NKAIN3: variants seen among roughly 807,000 people sequenced by gnomAD.
NKAIN3 encodes sodium/potassium-transporting ATPase subunit beta-1-interacting protein 3.
In NKAIN3, 25 loss-of-function variants were observed where a neutral mutation model predicts 30.2. The observed-to-expected ratio is 0.83, with a 90% CI of 0.60 to 1.16. The LOEUF (loss-of-function observed/expected upper bound fraction) is 1.16. Ranked by LOEUF, NKAIN3 falls within the 50% of genes most tolerant of loss-of-function variation. The probability of loss-of-function intolerance (pLI) is 0.00; values close to 1 mark genes in which losing one functional copy is unlikely to be tolerated. For synonymous variants in NKAIN3, 91 were observed against 89.6 expected (o/e 1.02, Z -0.09); for missense variants, 225 against 254.1 (o/e 0.89, Z 0.78).
At chr8:62,266,318 T>C (rs1305066756) in intron 1 of NKAIN3, among the ~76,000 whole-genome samples, 2 of 152,122 alleles carry the variant, frequency 1.3e-5, no homozygotes, top group Non-Finnish European at 2.9e-5. Context: ...TACTTTAGAG[T>C]GTGACATGAA....
At chr8:62,599,525 A>G (rs1483983700) in intron 3 of NKAIN3, among the ~76,000 whole-genome samples, 1 of 152,048 alleles carries the variant, frequency 6.6e-6, no homozygotes, top group African/African-American at 2.4e-5. Flanking sequence ...GGTGGTTCTC[A>G]TTATTACCTT....
At chr8:62,580,943 A>C (rs909859578) in intron 2 of NKAIN3, among the ~76,000 whole-genome samples, 25 of 147,396 alleles carry the variant, frequency 1.7e-4, no homozygotes, top group Admixed American at 5.4e-4. Context: ...CAGTGTCTAC[A>C]AAAAAATACA....
intron 3 of NKAIN3, among the ~76,000 whole-genome samples, chr8:62,657,865 C>T (rs1332875867): frequency 6.6e-6 from 1 of 152,132 alleles, no homozygotes; most frequent in South Asian, 2.1e-4. Flanking sequence ...TCCTCATTTA[C>T]ACAATGGGAA....
At chr8:62,335,934 T>C (rs986413963) in intron 1 of NKAIN3, among the ~76,000 whole-genome samples, 1 of 152,094 alleles carries the variant, frequency 6.6e-6, no homozygotes, top group African/African-American at 2.4e-5. Context: ...AAAGAAGCCT[T>C]CTTTCTAGTT....
chr8:62,786,418 C>T (rs1817519694), intron 4 of NKAIN3, among the ~76,000 whole-genome samples: 3 of 151,892 alleles, frequency 2.0e-5, no homozygotes, highest in South Asian at 4.1e-4. Context: ...AAAACCCTGC[C>T]CCACTCCTGT....
At chr8:62,465,917 G>A (rs1481607848) in intron 1 of NKAIN3, among the ~76,000 whole-genome samples, 2 of 152,018 alleles carry the variant, frequency 1.3e-5, no homozygotes, top group Admixed American at 1.3e-4. Flanking sequence ...CAGCTACTTG[G>A]GAGGCTAAGG....
chr8:62,348,892 C>T (rs1816094397), intron 1 of NKAIN3, among the ~76,000 whole-genome samples: 1 of 152,154 alleles, frequency 6.6e-6, no homozygotes, highest in African/African-American at 2.4e-5. Flanking sequence ...CTGTCCTACT[C>T]AACAAAGGCA....
chr8:62,494,552 T>C (rs909786341), intron 1 of NKAIN3, among the ~76,000 whole-genome samples: 1 of 151,954 alleles, frequency 6.6e-6, no homozygotes, highest in African/African-American at 2.4e-5. Flanking sequence ...TGAGGAGGAG[T>C]CACTCTCCTC....
intron 1 of NKAIN3, among the ~76,000 whole-genome samples, chr8:62,256,442 A>G (rs1471174863): frequency 6.3e-5 from 9 of 142,566 alleles, no homozygotes; most frequent in Admixed American, 6.0e-4. Context: ...AAACAAACAA[A>G]TAAGTAAATA....
chr8:62,515,320 T>C (rs1423623854), intron 1 of NKAIN3, among the ~76,000 whole-genome samples: 1 of 152,180 alleles, frequency 6.6e-6, no homozygotes, highest in African/African-American at 2.4e-5. Context: ...CATGATGTGA[T>C]ATATATGTGT....
chr8:62,797,412 A>G (rs1308916680), intron 4 of NKAIN3, among the ~76,000 whole-genome samples: 1 of 152,222 alleles, frequency 6.6e-6, no homozygotes. Flanking sequence ...AATCTTGCAG[A>G]TGATGAGCAG....
At chr8:62,765,284 A>G (rs145198700) in intron 4 of NKAIN3, among the ~76,000 whole-genome samples, 1 of 151,458 alleles carries the variant, frequency 6.6e-6, no homozygotes, top group African/African-American at 2.4e-5. Context: ...AAAGAAAAGA[A>G]AAGAAATTAT....
chr8:62,968,468 T>C lies in NKAIN3; in HGVS notation c.*3061T>C, dbSNP rs1823759629. ...CAAACCTCAGCTTCTCCATATGCAA[T>C]TGTGTGTCTGGTCAGAGTAAGGGAA... On this transcript the variant is annotated 3_prime_UTR_variant, in exon 7 of 7. Coordinates refer to ENST00000623646, the MANE Select transcript of NKAIN3 (RefSeq NM_001304533.3). 6.6e-6 allele frequency among the ~76,000 whole-genome samples: 1 copy of C among 152,172 alleles called. No individual in the cohort carries two copies. Among genetic ancestry groups the C allele is most frequent in the Non-Finnish European group, 1.5e-5 (1 of 68,034 alleles).
At chr8:62,321,472 G>T (rs191788689) in intron 1 of NKAIN3, among the ~76,000 whole-genome samples, 3 of 152,040 alleles carry the variant, frequency 2.0e-5, no homozygotes, top group African/African-American at 7.2e-5. Context: ...ATCTACCTTT[G>T]GTCTTTGATG....
intron 1 of NKAIN3, among the ~76,000 whole-genome samples, chr8:62,321,892 A>G (rs1814930587): frequency 6.6e-6 from 1 of 152,112 alleles, no homozygotes; most frequent in Non-Finnish European, 1.5e-5. Context: ...AGAGATTTCT[A>G]CTGCGTTTTG....
At chr8:62,761,664 G>A (rs1238351048) in intron 4 of NKAIN3, among the ~76,000 whole-genome samples, 1 of 152,164 alleles carries the variant, frequency 6.6e-6, no homozygotes, top group African/African-American at 2.4e-5. Flanking sequence ...GCTTTGTTCA[G>A]ATAATTGAGG....
At chr8:62,888,217 AGGT>A (rs1393486802) in intron 4 of NKAIN3, among the ~76,000 whole-genome samples, 1 of 152,186 alleles carries the variant, frequency 6.6e-6, no homozygotes, top group Non-Finnish European at 1.5e-5. Flanking sequence ...CTAATAGTTT[AGGT>A]CATGTTTAAA....
At chr8:62,463,814 CAATA>C (rs1208936723) in intron 1 of NKAIN3, among the ~76,000 whole-genome samples, 2 of 152,022 alleles carry the variant, frequency 1.3e-5, no homozygotes, top group African/African-American at 2.4e-5. Context: ...AAAAGATTAA[CAATA>C]AATAAAGTAG....
At chr8:62,424,822 A>T (rs1291927661) in intron 1 of NKAIN3, among the ~76,000 whole-genome samples, 2 of 151,932 alleles carry the variant, frequency 1.3e-5, no homozygotes, top group Non-Finnish European at 2.9e-5. Flanking sequence ...TGAAATTGGA[A>T]TCTTGAAGAC....
Sources: allele counts gnomAD v4.1 joint callset (sites outside exome capture counted in the v4.1 genomes callset), GRCh38; gene constraint gnomAD v4.1.1; transcripts MANE v1.5; gene names NCBI Gene and HGNC (gene_info 2026-07-23, HGNC 2026-07-21).